Variants in ATXN1 observed in about 807,000 individuals in gnomAD.
ATXN1 encodes the protein ataxin 1, also known as ataxin-1.
A neutral mutation model predicts 56.4 loss-of-function variants in ATXN1; 8 were observed. The ratio of observed to expected loss-of-function variants is 0.14; its 90% confidence interval spans 0.08 to 0.26. The LOEUF (loss-of-function observed/expected upper bound fraction) is 0.26. Ranked by LOEUF, ATXN1 falls within the 10% of genes least tolerant of loss-of-function variation. The probability of loss-of-function intolerance (pLI) is 1.00; values close to 1 mark genes in which losing one functional copy is unlikely to be tolerated. For missense variants in ATXN1, 987 were observed against 1,106.5 expected (o/e 0.89, Z 1.53); for synonymous variants, 514 against 494.6 (o/e 1.04, Z -0.52).
chr6:16,379,937 A>G (rs1762217859), intron 6 of ATXN1, among the ~76,000 whole-genome samples: 1 of 152,230 alleles, frequency 6.6e-6, no homozygotes, highest in Admixed American at 6.5e-5. Context: ...AGAAGGAACA[A>G]AATAGGAAAC....
At chr6:16,749,029 A>G (rs751482754) in intron 2 of ATXN1, among the ~76,000 whole-genome samples, 8 of 152,222 alleles carry the variant, frequency 5.3e-5, no homozygotes, top group Non-Finnish European at 1.2e-4. Context: ...TTTTCTATAA[A>G]GTATAAATGG....
intron 5 of ATXN1, among the ~76,000 whole-genome samples, chr6:16,513,771 G>A (rs989303642): frequency 6.6e-6 from 1 of 152,100 alleles, no homozygotes; most frequent in Non-Finnish European, 1.5e-5. Flanking sequence ...ACCAGCAAGG[G>A]TAGCCTAGGG....
intron 2 of ATXN1, among the ~76,000 whole-genome samples, chr6:16,724,316 T>C (rs1759804186): frequency 6.6e-6 from 1 of 151,162 alleles, no homozygotes; most frequent in African/African-American, 2.5e-5. Context: ...AGGTGTCTTT[T>C]TGATGAGCAG....
rs549408049 is a variant in ATXN1, at chr6:16,700,304, G to A, written c.-614-42403C>T. On this transcript the variant is annotated intron_variant, in intron 2 of 7. Coordinates refer to ENST00000436367, the MANE Select transcript of ATXN1 (RefSeq NM_001128164.2). ...CAAGGACTTGGGGATGTACTTCTCT[G>A]CATCTGGGGTGCAGAAAAGATAAGA... Among the ~76,000 whole-genome samples the A allele has an allele frequency of 4.6e-5, 7 of 152,214 alleles. No homozygotes were observed. The South Asian group carries it at 1.2e-3, about 27-fold the overall frequency.
At chr6:16,730,159 T>C (rs1006456668) in intron 2 of ATXN1, among the ~76,000 whole-genome samples, 2 of 152,152 alleles carry the variant, frequency 1.3e-5, no homozygotes, top group African/African-American at 4.8e-5. Context: ...GGTGCACGCC[T>C]GTACAGCTAC....
At chr6:16,575,276 C>T (rs1432984286) in intron 4 of ATXN1, among the ~76,000 whole-genome samples, 3 of 152,194 alleles carry the variant, frequency 2.0e-5, no homozygotes, top group Admixed American at 1.3e-4. Context: ...TCCACATCTG[C>T]CCATCTAATG....
At chr6:16,748,290 G>C (rs1760599971) in intron 2 of ATXN1, among the ~76,000 whole-genome samples, 1 of 152,128 alleles carries the variant, frequency 6.6e-6, no homozygotes, top group South Asian at 2.1e-4. Flanking sequence ...CAAAAGAGAA[G>C]GCTCCAAGGA....
intron 3 of ATXN1, among the ~76,000 whole-genome samples, chr6:16,613,271 C>CAAAAA (rs765813165): frequency 1.9e-5 from 1 of 52,492 alleles, no homozygotes; most frequent in African/African-American, 6.5e-5. Context: ...GACTCCGTCT[C>CAAAAA]AAAAAAAAAA....
chr6:16,604,174 C>G (rs1762959954), intron 3 of ATXN1, among the ~76,000 whole-genome samples: 1 of 151,982 alleles, frequency 6.6e-6, no homozygotes. Context: ...AAATGCTTCT[C>G]AAGAACCTCT....
At chr6:16,412,381 T>G (rs1758817244) in intron 6 of ATXN1, among the ~76,000 whole-genome samples, 2 of 152,220 alleles carry the variant, frequency 1.3e-5, no homozygotes, top group South Asian at 4.1e-4. Flanking sequence ...GACTACATCC[T>G]TTTCTGCTTT....
intron 6 of ATXN1, among the ~76,000 whole-genome samples, chr6:16,370,602 T>C (rs1229981636): frequency 1.3e-5 from 2 of 152,246 alleles, no homozygotes; most frequent in East Asian, 1.9e-4. Context: ...CTGCTCCTAA[T>C]ATCTCCAACA....
intron 6 of ATXN1, among the ~76,000 whole-genome samples, chr6:16,483,681 T>A (rs1760483989): frequency 6.6e-6 from 1 of 152,278 alleles, no homozygotes; most frequent in South Asian, 2.1e-4. Context: ...ATGTGGCATC[T>A]TAAAGTGTAC....
In ATXN1 at chr6:16,304,381, T is replaced by A. The variant is rs1461969123; in HGVS notation, c.*1948A>T. ...CTCTGGGAATGAAAGGTTTAAAAAC[T>A]ATGAAATACCCTTTCTGGGTTTGTA... On this transcript the variant is annotated 3_prime_UTR_variant, in exon 8 of 8. Coordinates refer to ENST00000436367, the MANE Select transcript of ATXN1 (RefSeq NM_001128164.2). 1 of 152,394 alleles carries A rather than the reference T, an allele frequency of 6.6e-6. No individual in the cohort carries two copies. The highest frequency in any genetic ancestry group is 6.5e-5 in the Admixed American group (1 of 15,272). 9.4% of individuals were successfully genotyped at this position (152,394 alleles called of 1,614,324 possible).
intron 6 of ATXN1, among the ~76,000 whole-genome samples, chr6:16,408,472 G>A (rs1758730991): frequency 1.3e-5 from 2 of 149,734 alleles, no homozygotes; most frequent in African/African-American, 4.9e-5. Flanking sequence ...CATCAAGTGA[G>A]AACCCTGGAA....
chr6:16,347,981 C>A (rs944587864), intron 6 of ATXN1, among the ~76,000 whole-genome samples: 2 of 152,224 alleles, frequency 1.3e-5, no homozygotes, highest in South Asian at 4.1e-4. Context: ...CAGCTTCATT[C>A]CTGAAGCCAG....
chr6:16,490,337 G>A (rs370822047), intron 5 of ATXN1, among the ~76,000 whole-genome samples: 59 of 152,208 alleles, frequency 3.9e-4, no homozygotes, highest in African/African-American at 1.4e-3. Flanking sequence ...CACACTCCAA[G>A]CATACTCAGT....
chr6:16,686,128 T>C (rs915387140), intron 2 of ATXN1, among the ~76,000 whole-genome samples: 2 of 152,244 alleles, frequency 1.3e-5, no homozygotes, highest in South Asian at 2.1e-4. Context: ...TTTCGCTTCC[T>C]GATACTATAT....
chr6:16,514,025 A>G (rs1448793102), intron 5 of ATXN1, among the ~76,000 whole-genome samples: 1 of 152,122 alleles, frequency 6.6e-6, no homozygotes. Context: ...GATTCCTTGG[A>G]GCTGAAGAGT....
At chr6:16,586,464 G>A (rs147643813) in intron 3 of ATXN1, among the ~76,000 whole-genome samples, 3 of 152,104 alleles carry the variant, frequency 2.0e-5, no homozygotes, top group East Asian at 1.9e-4. Context: ...AGGTCATCAC[G>A]AACATTGATT....
Sources: allele counts gnomAD v4.1 joint callset (sites outside exome capture counted in the v4.1 genomes callset), GRCh38; gene constraint gnomAD v4.1.1; transcripts MANE v1.5; gene names NCBI Gene and HGNC (gene_info 2026-07-23, HGNC 2026-07-21).